Variants in PRKN observed in about 807,000 individuals in gnomAD.
The protein encoded by PRKN is E3 ubiquitin-protein ligase parkin.
PRKN carries 56 observed loss-of-function variants against 59.5 expected under a neutral mutation model. That is an observed-to-expected ratio of 0.94 (90% confidence interval 0.76 to 1.18). PRKN has a LOEUF of 1.18. PRKN is among the 50% of genes most tolerant of loss of function. PRKN has a pLI of 0.00. For synonymous variants in PRKN, 250 were observed against 222.1 expected (o/e 1.13, Z -1.12); for missense variants, 657 against 596.4 (o/e 1.10, Z -1.06).
intron 7 of PRKN, among the ~76,000 whole-genome samples, chr6:161,735,851 G>A (rs973239825): frequency 3.3e-5 from 5 of 151,940 alleles, no homozygotes; most frequent in African/African-American, 7.3e-5. Context: ...GGAGGCAGAG[G>A]TTGTGGTGAG....
At chr6:162,205,759 C>A in intron 3 of PRKN, among the ~76,000 whole-genome samples, 2 of 131,272 alleles carry the variant, frequency 1.5e-5, no homozygotes, top group South Asian at 2.3e-4. Context: ...CACACACACA[C>A]ACGTACATAG....
At chr6:162,492,817 G>A in intron 1 of PRKN, among the ~76,000 whole-genome samples, 1 of 152,106 alleles carries the variant, frequency 6.6e-6, no homozygotes. Flanking sequence ...GCCAGGTGTG[G>A]TGACACATGC....
At chr6:161,775,560 A>T (rs1446360459) in intron 7 of PRKN, among the ~76,000 whole-genome samples, 1 of 152,244 alleles carries the variant, frequency 6.6e-6, no homozygotes, top group African/African-American at 2.4e-5. Context: ...ATTCCGTAGC[A>T]ACTAATTATG....
rs113276888 is a variant in PRKN, at chr6:162,710,414, C to A, written c.7+17248G>T. On this transcript the variant is annotated intron_variant, in intron 1 of 11. Coordinates refer to ENST00000366898, the MANE Select transcript of PRKN (RefSeq NM_004562.3). ...ACACACACACACACACACACACACA[C>A]AACTGTTTGGTATGATGAGGAAGAA... 4.6e-4 allele frequency among the ~76,000 whole-genome samples: 69 copies of A among 150,076 alleles called. 1 individual carries two copies. Among genetic ancestry groups the A allele is most frequent in the African/African-American group, 1.5e-3 (62 of 40,172 alleles).
chr6:162,354,555 G>A (rs1335671020), intron 2 of PRKN, among the ~76,000 whole-genome samples: 1 of 151,836 alleles, frequency 6.6e-6, no homozygotes, highest in Non-Finnish European at 1.5e-5. Flanking sequence ...AAAATAAGAT[G>A]GCATTTCCAC....
chr6:161,407,677 C>A lies in PRKN; in HGVS notation c.1084-20800G>T, dbSNP rs1787342234. 6.6e-6 allele frequency among the ~76,000 whole-genome samples: 1 copy of A among 152,242 alleles called. No homozygotes were observed. The highest frequency in any genetic ancestry group is 1.9e-4 in the East Asian group (1 of 5,176). ...GACCTGCACATATACGTCCAGATGGCCTGCAGGAGCCAAGAAGTCTGAAGC... is the reference window on the plus strand; with the variant it reads ...GACCTGCACATATACGTCCAGATGGACTGCAGGAGCCAAGAAGTCTGAAGC... On this transcript the variant is annotated intron_variant, in intron 9 of 11. Transcript: ENST00000366898. This position sits in a 1 kb window ranked among gnomAD's most constrained non-coding sequence, Gnocchi z 4.9.
intron 4 of PRKN, among the ~76,000 whole-genome samples, chr6:162,140,691 C>T (rs1044817623): frequency 6.7e-6 from 1 of 148,948 alleles, no homozygotes; most frequent in Non-Finnish European, 1.5e-5. Context: ...TCAAAAGGAG[C>T]GCCCTCACCA....
Position 161,970,827 on chromosome 6 carries a change from C to T in PRKN, c.734+2475G>A, listed in dbSNP as rs1784587. Among the ~76,000 whole-genome samples the T allele has an allele frequency of 3.5e-3, 529 of 152,304 alleles. 15 individuals carry two copies. The East Asian group carries it at 0.084, about 24-fold the overall frequency. On this transcript the variant is annotated intron_variant, in intron 6 of 11. Transcript: ENST00000366898. ...TGGTGGGATTACAGGCGTGAGCCAC[C>T]GTGTCTGGCCACTTCTAATGCTTTT...
chr6:162,197,074 A>G (rs746046029), intron 4 of PRKN, among the ~76,000 whole-genome samples: 1 of 152,206 alleles, frequency 6.6e-6, no homozygotes, highest in Non-Finnish European at 1.5e-5. Context: ...CTGCTCACCT[A>G]TAACTAGTCA....
rs917999795 is a variant in PRKN, at chr6:161,350,193, T to G, written c.1304A>C (p.Lys435Thr). 7 of 1,613,232 alleles carry G rather than the reference T, an allele frequency of 4.3e-6. No individual in the cohort carries two copies. ...VEKNGGCMHM[K>T]CPQPQCRLEW... ...GAGCCTGCACTGGGGCTGCGGACAC[T>G]TCATGTGCATGCAGCCTCCTGTTGG... Residue 435 changes from lysine to threonine, a missense_variant, in exon 12 of 12, where the codon AAG becomes ACG. Physicochemically the swap from Lys to Thr is moderately conservative, Grantham distance 78 (BLOSUM62 -1). Transcript: ENST00000366898.
intron 2 of PRKN, among the ~76,000 whole-genome samples, chr6:162,273,666 G>A (rs1473634739): frequency 1.3e-5 from 2 of 152,162 alleles, no homozygotes; most frequent in African/African-American, 2.4e-5. Flanking sequence ...GCTTCATGAT[G>A]TTGGAGTTGA....
At chr6:162,667,368 G>A (rs1264359548) in intron 1 of PRKN, among the ~76,000 whole-genome samples, 1 of 152,002 alleles carries the variant, frequency 6.6e-6, no homozygotes, top group Non-Finnish European at 1.5e-5. Flanking sequence ...AAATCTAAAT[G>A]CTGTTTAAAA....
chr6:162,080,912 G>T (rs1324089328), intron 4 of PRKN, among the ~76,000 whole-genome samples: 2 of 152,062 alleles, frequency 1.3e-5, no homozygotes, highest in African/African-American at 4.8e-5. Flanking sequence ...CTGAAATCCT[G>T]TGTTATCATT....
At chr6:161,930,520 C>T (rs1779132751) in intron 6 of PRKN, among the ~76,000 whole-genome samples, 1 of 152,236 alleles carries the variant, frequency 6.6e-6, no homozygotes, top group Non-Finnish European at 1.5e-5. Context: ...TCTTCACCTA[C>T]ATGGCTGAGT....
Position 161,419,057 on chromosome 6 carries a change from A to G in PRKN, c.1084-32180T>C, listed in dbSNP as rs1190015824. On this transcript the variant is annotated intron_variant, in intron 9 of 11. Transcript: ENST00000366898. The surrounding 1 kb of genome is among the most constrained non-coding windows in gnomAD (Gnocchi z 4.1). ...CGTTGGATGTAAACACATCGTTTAC[A>G]TGAAGGACATGGAATTATAAGTTCA... is the stretch of plus-strand genomic sequence containing the variant. Among the ~76,000 whole-genome samples the G allele has an allele frequency of 1.3e-5, 2 of 152,240 alleles. No homozygotes were observed. The highest frequency in any genetic ancestry group is 2.9e-5 in the Non-Finnish European group (2 of 68,046).
At chr6:161,774,093 C>G (rs1020012315) in intron 7 of PRKN, among the ~76,000 whole-genome samples, 1 of 152,068 alleles carries the variant, frequency 6.6e-6, no homozygotes, top group African/African-American at 2.4e-5. Context: ...ACAGACAGTG[C>G]CCTGTTGATC....
At position 161,527,391 on chromosome 6, in the gene PRKN, C is replaced by T. The variant is rs1448862806; in HGVS notation, c.1083+21463G>A. On this transcript the variant is annotated intron_variant, in intron 9 of 11. Transcript: ENST00000366898. The surrounding 1 kb of genome is among the most constrained non-coding windows in gnomAD (Gnocchi z 4.6). Reference sequence around the variant, plus strand: ...GTGTACATTTCTGTAATTTGTGCTTCACACAAACAATTCCACCTATAAGGC... The same window carrying T: ...GTGTACATTTCTGTAATTTGTGCTTTACACAAACAATTCCACCTATAAGGC... 6.6e-6 allele frequency among the ~76,000 whole-genome samples: 1 copy of T among 151,986 alleles called. No individual in the cohort carries two copies. The highest frequency in any genetic ancestry group is 2.4e-5 in the African/African-American group (1 of 41,234).
At chr6:161,913,170 G>GAAAAA (rs762633376) in intron 6 of PRKN, among the ~76,000 whole-genome samples, 5 of 86,578 alleles carry the variant, frequency 5.8e-5, no homozygotes, top group Non-Finnish European at 6.5e-5. Flanking sequence ...TCCATCTCAG[G>GAAAAA]AAAAAAAAAA....
intron 1 of PRKN, among the ~76,000 whole-genome samples, chr6:162,528,075 G>C: frequency 1.6e-5 from 1 of 62,880 alleles, no homozygotes; most frequent in East Asian, 2.9e-4. Flanking sequence ...GGGCGGGGGG[G>C]CGGGAGGGGT....
Sources: allele counts gnomAD v4.1 joint callset (sites outside exome capture counted in the v4.1 genomes callset), GRCh38; gene constraint gnomAD v4.1.1; non-coding constraint Gnocchi (gnomAD v3.1); transcripts MANE v1.5; gene names NCBI Gene and HGNC (gene_info 2026-07-23, HGNC 2026-07-21).